The following SLC71A2 variants were observed in gnomAD, a reference collection of about 807,000 sequenced individuals.
SLC71A2 encodes the protein solute carrier family 71 member 2.
chr9:94,442,232 A>G, the SLC71A2 span, among the ~76,000 whole-genome samples: 1 of 152,232 alleles, frequency 6.6e-6, no homozygotes, highest in African/African-American at 2.4e-5. Context: ...GTAAGTTCTC[A>G]TTCATTGCTG....
At chr9:94,431,229 C>G in the SLC71A2 span, among the ~76,000 whole-genome samples, 1 of 151,798 alleles carries the variant, frequency 6.6e-6, no homozygotes, top group Non-Finnish European at 1.5e-5. Context: ...AAGAGAATCA[C>G]TTGAACCTGG....
chr9:94,455,695 C>G, the SLC71A2 span, among the ~76,000 whole-genome samples: 1 of 152,148 alleles, frequency 6.6e-6, no homozygotes, highest in East Asian at 1.9e-4. Flanking sequence ...CCTCACTTTA[C>G]TCACTCACAC....
At chr9:94,447,183 C>CT in the SLC71A2 span, among the ~76,000 whole-genome samples, 13,307 of 145,368 alleles carry the variant, frequency 0.092, 1,040 homozygotes, top group African/African-American at 0.22. Flanking sequence ...CATAATTTAT[C>CT]TTTTTTTTTT....
the SLC71A2 span, among the ~76,000 whole-genome samples, chr9:94,438,770 A>G: frequency 1.3e-5 from 2 of 152,220 alleles, no homozygotes; most frequent in Non-Finnish European, 2.9e-5. Context: ...AAGTAGAAAT[A>G]AAAGATGCCT....
the SLC71A2 span, chr9:94,446,861 A>G: frequency 6.8e-6 from 11 of 1,612,018 alleles, no homozygotes; most frequent in Non-Finnish European, 9.3e-6. Flanking sequence ...CTGTCTTACT[A>G]ATCTGCATCA....
the SLC71A2 span, among the ~76,000 whole-genome samples, chr9:94,402,555 T>G: frequency 3.9e-5 from 6 of 152,242 alleles, no homozygotes; most frequent in East Asian, 1.9e-4. Flanking sequence ...TTAATTGGGT[T>G]GTTGTATTAG....
the SLC71A2 span, among the ~76,000 whole-genome samples, chr9:94,416,086 C>T: frequency 0.019 from 2,849 of 152,146 alleles, 75 homozygotes; most frequent in African/African-American, 0.065. Flanking sequence ...ATCTATGATG[C>T]GGTTAGAAGG....
At chr9:94,453,012 A>G in the SLC71A2 span, among the ~76,000 whole-genome samples, 1 of 152,018 alleles carries the variant, frequency 6.6e-6, no homozygotes, top group Non-Finnish European at 1.5e-5. Flanking sequence ...ACATTTGACA[A>G]GGCTTATGGG....
At chr9:94,451,537 AT>A in the SLC71A2 span, 2 of 1,451,704 alleles carry the variant, frequency 1.4e-6, no homozygotes, top group Non-Finnish European at 1.9e-6. Flanking sequence ...GGTGAGTATC[AT>A]TTTATCTATA....
At chr9:94,385,857 A>C in the SLC71A2 span, among the ~76,000 whole-genome samples, 1 of 151,966 alleles carries the variant, frequency 6.6e-6, no homozygotes, top group African/African-American at 2.4e-5. Context: ...ATTTGAGGTG[A>C]TCCTGAATTC....
chr9:94,415,287 A>G, the SLC71A2 span: 1 of 1,460,874 alleles, frequency 6.8e-7, no homozygotes, highest in Non-Finnish European at 9.6e-7. Context: ...GTGTTTTGTA[A>G]GAGAAAGAGA....
chr9:94,406,343 G>A, the SLC71A2 span, among the ~76,000 whole-genome samples: 2 of 152,122 alleles, frequency 1.3e-5, no homozygotes, highest in Non-Finnish European at 2.9e-5. Context: ...GGGTTCAAGC[G>A]ATTCTTCTGC....
At chr9:94,454,138 G>A in the SLC71A2 span, 1 of 1,102,148 alleles carries the variant, frequency 9.1e-7, no homozygotes, top group Admixed American at 1.7e-5. Context: ...TGGGGTGGTT[G>A]GGTGTGATGA....
At chr9:94,451,473 T>C in the SLC71A2 span, 2 of 1,564,978 alleles carry the variant, frequency 1.3e-6, no homozygotes, top group Admixed American at 1.8e-5. Context: ...GTTTTGGATC[T>C]GTTAAAATTG....
the SLC71A2 span, among the ~76,000 whole-genome samples, chr9:94,392,873 ATTT>A: frequency 6.6e-6 from 1 of 151,052 alleles, no homozygotes; most frequent in South Asian, 2.1e-4. Flanking sequence ...TCTTATCTAG[ATTT>A]TACTTTATAG....
chr9:94,402,428 G>A, the SLC71A2 span, among the ~76,000 whole-genome samples: 2 of 152,060 alleles, frequency 1.3e-5, no homozygotes, highest in Non-Finnish European at 2.9e-5. Flanking sequence ...TCACGGTGAT[G>A]TAGAACTACC....
the SLC71A2 span, chr9:94,444,842 G>A: frequency 1.3e-6 from 1 of 790,014 alleles, no homozygotes; most frequent in Admixed American, 2.2e-5. Context: ...GCACCTGTGG[G>A]ACCCTGGTTG....
chr9:94,437,982 AC>A, the SLC71A2 span, among the ~76,000 whole-genome samples: 2 of 151,844 alleles, frequency 1.3e-5, no homozygotes, highest in African/African-American at 4.8e-5. Context: ...AGCCTAGAGT[AC>A]AAAGGCGTGA....
chr9:94,427,465 A>G, the SLC71A2 span, among the ~76,000 whole-genome samples: 1 of 151,144 alleles, frequency 6.6e-6, no homozygotes, highest in South Asian at 2.1e-4. Context: ...ATTCATCCAT[A>G]GATACGGTTT....
Sources: allele counts gnomAD v4.1 joint callset (sites outside exome capture counted in the v4.1 genomes callset), GRCh38; gene constraint gnomAD v4.1.1; transcripts MANE v1.5; gene names NCBI Gene and HGNC (gene_info 2026-07-23, HGNC 2026-07-21).